The following USP18 variants were observed in gnomAD, a reference collection of about 807,000 sequenced individuals.
The protein encoded by USP18 is ubl carboxyl-terminal hydrolase 18.
In USP18, 11 loss-of-function variants were observed where a neutral mutation model predicts 48.7. The observed-to-expected ratio is 0.23, with a 90% CI of 0.14 to 0.37. USP18 has a LOEUF of 0.37. USP18 is among the 10% of genes least tolerant of loss of function. USP18 has a pLI of 1.00. For missense variants in USP18, 285 were observed against 436.4 expected (o/e 0.65, Z 3.09); for synonymous variants, 114 against 163.2 (o/e 0.70, Z 2.30).
intron 3 of USP18, among the ~76,000 whole-genome samples, chr22:18,160,629 G>T (rs1929304643): frequency 6.6e-6 from 1 of 152,024 alleles, no homozygotes; most frequent in Non-Finnish European, 1.5e-5. Flanking sequence ...AATATATTCA[G>T]TTATTCACAG....
intron 2 of USP18, among the ~76,000 whole-genome samples, chr22:18,159,216 C>T (rs551449643): frequency 2.6e-4 from 40 of 151,626 alleles, no homozygotes; most frequent in East Asian, 1.2e-3. Context: ...CCACCACACC[C>T]GGCTAATTTT....
intron 8 of USP18, among the ~76,000 whole-genome samples, chr22:18,172,176 A>T (rs1357181325): frequency 6.6e-6 from 1 of 152,238 alleles, no homozygotes; most frequent in African/African-American, 2.4e-5. Context: ...AGAGTTAGAC[A>T]GTGAATCCTT....
At chr22:18,169,390 C>T (rs1470681803) in intron 6 of USP18, among the ~76,000 whole-genome samples, 1 of 152,194 alleles carries the variant, frequency 6.6e-6, no homozygotes, top group Non-Finnish European at 1.5e-5. Flanking sequence ...GCCTGGCCAA[C>T]ATGGTAAAAC....
chr22:18,164,717 C>T (rs942064437), intron 4 of USP18, among the ~76,000 whole-genome samples: 8 of 152,170 alleles, frequency 5.3e-5, no homozygotes, highest in Non-Finnish European at 1.0e-4. Flanking sequence ...TGGAAGTGCT[C>T]ACGTGCCCGT....
In USP18 at chr22:18,174,538, T is replaced by G. The variant is rs185871060; in HGVS notation, c.1073+696T>G. 1.1e-4 allele frequency among the ~76,000 whole-genome samples: 17 copies of G among 152,232 alleles called. No individual in the cohort carries two copies. The East Asian group carries it at 3.1e-3, about 28-fold the overall frequency. On this transcript the variant is annotated intron_variant, in intron 10 of 10. Transcript: ENST00000215794. Reference sequence around the variant, plus strand: ...AGCCACCACACCTGGCCTTCTTATATGCTTTTATTGCATTTGAGCATACCT... The same window carrying G: ...AGCCACCACACCTGGCCTTCTTATAGGCTTTTATTGCATTTGAGCATACCT...
intron 4 of USP18, among the ~76,000 whole-genome samples, chr22:18,163,837 C>T (rs1382401160): frequency 2.0e-5 from 3 of 152,092 alleles, no homozygotes; most frequent in Non-Finnish European, 4.4e-5. Flanking sequence ...TGTGTCAAGT[C>T]CTGTCAGTGC....
chr22:18,159,775 A>G (rs934144511), intron 2 of USP18, among the ~76,000 whole-genome samples: 8 of 146,026 alleles, frequency 5.5e-5, no homozygotes, highest in African/African-American at 1.6e-4. Flanking sequence ...TCCTGGGTTC[A>G]CACCATTCTC....
At chr22:18,170,391 A>T (rs1400866516) in intron 7 of USP18, among the ~76,000 whole-genome samples, 1 of 152,146 alleles carries the variant, frequency 6.6e-6, no homozygotes, top group Admixed American at 6.5e-5. Context: ...GGAGCCGTGG[A>T]TGTGGCTTCT....
intron 1 of USP18, among the ~76,000 whole-genome samples, chr22:18,151,018 A>C: frequency 6.6e-6 from 1 of 152,240 alleles, no homozygotes; most frequent in East Asian, 1.9e-4. Flanking sequence ...ATGGAGATTT[A>C]GGTTGTTTCC....
intron 1 of USP18, among the ~76,000 whole-genome samples, chr22:18,151,010 G>C (rs1928985449): frequency 6.6e-6 from 1 of 152,230 alleles, no homozygotes; most frequent in Non-Finnish European, 1.5e-5. Flanking sequence ...AACAATGCAT[G>C]GAGATTTAGG....
In USP18 at chr22:18,168,011, T is replaced by C. The variant is rs531359104; in HGVS notation, c.602T>C (p.Val201Ala). Reference protein sequence around the residue: ...MLTLPLSLFDVDSKPLKTLED... With the variant: ...MLTLPLSLFDADSKPLKTLED... ...ACCCTCCCACTTTCTCTTTTTGATG[T>C]GGACTCAAAGCCCCTGAAGACACTG... The change falls in exon 6 of 11, where the codon GTG becomes GCG. Residue 201 changes from valine to alanine, a missense_variant. Val to Ala is a moderately conservative substitution (Grantham distance 64). This residue lies in a region of USP18 where 34 missense variants were observed against 94.8 expected (regional missense o/e 0.36). Coordinates refer to ENST00000215794, the MANE Select transcript of USP18 (RefSeq NM_017414.4). 6.2e-7 allele frequency: 1 copy of C among 1,614,232 alleles called. No individual in the cohort carries two copies. Among genetic ancestry groups the C allele is most frequent in the African/African-American group, 1.3e-5 (1 of 75,064 alleles).
chr22:18,168,908 C>T (rs1280343204), intron 6 of USP18, among the ~76,000 whole-genome samples: 3 of 152,188 alleles, frequency 2.0e-5, no homozygotes, highest in Admixed American at 6.5e-5. Flanking sequence ...ATGTTTTTCC[C>T]TCCTACCTCC....
Position 18,161,806 on chromosome 22 carries a change from G to A in USP18, c.271G>A (p.Gly91Arg). 1 of 1,605,264 alleles carries A rather than the reference G, an allele frequency of 6.2e-7. No homozygotes were observed. Among genetic ancestry groups the A allele is most frequent in the Non-Finnish European group, 8.5e-7 (1 of 1,176,612 alleles). Residue 91 changes from glycine (G) to arginine (R), a missense_variant, in exon 4 of 11, where the codon GGA becomes AGA. Physicochemically the swap from Gly to Arg is moderately radical, Grantham distance 125. This residue lies in a region of USP18 where 199 missense variants were observed against 239.6 expected (regional missense o/e 0.83). Transcript: ENST00000215794. The stretch of plus-strand genomic sequence containing the variant: ...GTGTGGCAGGATCACGGTGCCCAGG[G>A]GAGCTGACGAGCAGAGGAGAAGCGT... ...RILKRITVPR[G>R]ADEQRRSVPF...
At chr22:18,163,031 TTTC>T (rs2123733978) in intron 4 of USP18, among the ~76,000 whole-genome samples, 1 of 151,750 alleles carries the variant, frequency 6.6e-6, no homozygotes, top group Admixed American at 6.6e-5. Flanking sequence ...TTGCTAATCC[TTTC>T]TTCTGCTTGA....
intron 10 of USP18, 119 bp downstream of exon 10, chr22:18,173,961 T>C (rs1929709856): frequency 7.0e-7 from 1 of 1,434,374 alleles, no homozygotes; most frequent in Non-Finnish European, 9.5e-7. Flanking sequence ...GTCCGCCTCA[T>C]CTCCAGCACT....
intron 1 of USP18, among the ~76,000 whole-genome samples, chr22:18,153,500 C>T (rs1185678733): frequency 6.6e-6 from 1 of 152,158 alleles, no homozygotes; most frequent in Non-Finnish European, 1.5e-5. Flanking sequence ...TCATAACTCA[C>T]TGTGGCCTCA....
rs968150462 is a variant in USP18 at position 18,150,213 on chromosome 22, G to C, written c.-116G>C. On this transcript the variant is annotated 5_prime_UTR_variant, in exon 1 of 11. An upstream start codon of the reference 5' UTR is lost. Coordinates refer to ENST00000215794, the MANE Select transcript of USP18 (RefSeq NM_017414.4). ...AGCAGCGGAGGCTGGACGCTTGCAT[G>C]GCGCTTGAGGCAAGTTCGGGGCTCA... 2.0e-5 allele frequency: 3 copies of C among 152,248 alleles called. No individual in the cohort carries two copies. The highest frequency in any genetic ancestry group is 7.2e-5 in the African/African-American group (3 of 41,472). 9.4% of individuals were successfully genotyped at this position (152,248 alleles called of 1,614,324 possible). A position where few individuals can be genotyped will look rare whatever the true frequency, so the allele number is the denominator to read the frequency against.
intron 10 of USP18, among the ~76,000 whole-genome samples, chr22:18,176,269 A>G (rs1327040368): frequency 1.5e-5 from 1 of 65,856 alleles, no homozygotes; most frequent in Admixed American, 1.4e-4. Context: ...GCTACAGGGC[A>G]AGACTCCATT....
rs368462992 is a variant in USP18 at position 18,167,873 on chromosome 22, C to T, written c.481-17C>T. The T allele has an allele frequency of 8.8e-5, 141 of 1,610,026 alleles. No individual in the cohort carries two copies. The highest frequency in any genetic ancestry group is 4.0e-4 in the African/African-American group (30 of 74,806). ...TGGTGGTGTTCCCATCTCACCTCTC[C>T]GCTCTCCCTCTTGCAGGTGGAGAGA... On this transcript the variant is annotated splice_polypyrimidine_tract_variant and intron_variant, in intron 5 of 10. Transcript: ENST00000215794.
Sources: allele counts gnomAD v4.1 joint callset (sites outside exome capture counted in the v4.1 genomes callset), GRCh38; gene constraint gnomAD v4.1.1; regional missense constraint gnomAD v4.1.1; transcripts MANE v1.5; gene names NCBI Gene and HGNC (gene_info 2026-07-23, HGNC 2026-07-21).